The following CSMD1 variants were observed in gnomAD, a reference collection of about 807,000 sequenced individuals.
CSMD1 encodes CUB and Sushi multiple domains 1.
A neutral mutation model predicts 417.5 loss-of-function variants in CSMD1; 213 were observed. That is an observed-to-expected ratio of 0.51 (90% CI 0.46 to 0.57). CSMD1 has a LOEUF of 0.57. Ranked by LOEUF, CSMD1 falls within the 20% of genes least tolerant of loss-of-function variation. CSMD1 has a pLI of 0.00. For missense variants in CSMD1, 6,923 were observed against 4,529.7 expected (o/e 1.53, Z -15.17); for synonymous variants, 2,862 against 1,736.8 (o/e 1.65, Z -16.11).
At chr8:3,942,447 C>G (rs560034930) in intron 5 of CSMD1, among the ~76,000 whole-genome samples, 2 of 152,082 alleles carry the variant, frequency 1.3e-5, no homozygotes. Context: ...AACCACACCA[C>G]ACCTGGCCCA....
chr8:4,623,621 C>A (rs1252130613), intron 2 of CSMD1, among the ~76,000 whole-genome samples: 1 of 152,046 alleles, frequency 6.6e-6, no homozygotes, highest in Non-Finnish European at 1.5e-5. Context: ...TGTGGCATAG[C>A]TGTATATTGG....
chr8:4,786,930 G>C (rs1341091067), intron 1 of CSMD1, among the ~76,000 whole-genome samples: 1 of 152,118 alleles, frequency 6.6e-6, no homozygotes, highest in Non-Finnish European at 1.5e-5. Context: ...TCATTTAAAA[G>C]GCACTTTTTA....
At chr8:3,725,555 T>A (rs1802433115) in intron 6 of CSMD1, among the ~76,000 whole-genome samples, 1 of 152,080 alleles carries the variant, frequency 6.6e-6, no homozygotes, top group African/African-American at 2.4e-5. Flanking sequence ...ATGAGCTGCT[T>A]GTATTAAGTA....
At chr8:3,166,092 G>A (rs958453773) in intron 37 of CSMD1, among the ~76,000 whole-genome samples, 2 of 152,066 alleles carry the variant, frequency 1.3e-5, no homozygotes, top group South Asian at 4.2e-4. Context: ...GCAGGGTGGT[G>A]TTTGGTAATA....
At chr8:3,505,257 G>A (rs934834365) in intron 10 of CSMD1, among the ~76,000 whole-genome samples, 8 of 152,144 alleles carry the variant, frequency 5.3e-5, no homozygotes, top group African/African-American at 1.9e-4. Context: ...TGTTAGATGC[G>A]ATAAAATGCA....
intron 2 of CSMD1, among the ~76,000 whole-genome samples, chr8:4,431,095 T>C (rs933597180): frequency 5.3e-5 from 8 of 152,118 alleles, no homozygotes; most frequent in African/African-American, 1.7e-4. Flanking sequence ...TGTTAATATA[T>C]TTAATCTTAA....
intron 5 of CSMD1, among the ~76,000 whole-genome samples, chr8:3,962,482 T>C (rs924621595): frequency 6.6e-6 from 1 of 152,112 alleles, no homozygotes; most frequent in African/African-American, 2.4e-5. Context: ...TCACCCCCTG[T>C]TTATGACAGC....
chr8:4,821,693 C>T (rs957656704), intron 1 of CSMD1, among the ~76,000 whole-genome samples: 2 of 152,032 alleles, frequency 1.3e-5, no homozygotes, highest in African/African-American at 4.8e-5. Flanking sequence ...GAAGAAAGAG[C>T]CCTATTCATT....
At chr8:3,328,501 T>C (rs935511667) in intron 23 of CSMD1, among the ~76,000 whole-genome samples, 8 of 152,224 alleles carry the variant, frequency 5.3e-5, no homozygotes, top group African/African-American at 1.9e-4. Flanking sequence ...CTTCAAATAT[T>C]GTGTTCAGAC....
chr8:3,074,764 A>T (rs1813528946), intron 49 of CSMD1, among the ~76,000 whole-genome samples: 1 of 152,264 alleles, frequency 6.6e-6, no homozygotes, highest in Admixed American at 6.5e-5. Flanking sequence ...GCATTTTATT[A>T]TAATTTTTGG....
intron 3 of CSMD1, among the ~76,000 whole-genome samples, chr8:4,375,212 G>C (rs1050010938): frequency 6.6e-6 from 1 of 152,070 alleles, no homozygotes; most frequent in African/African-American, 2.4e-5. Context: ...TTGCCCACGG[G>C]GATAGATAGT....
chr8:4,268,477 C>T (rs532433908), intron 3 of CSMD1, among the ~76,000 whole-genome samples: 5 of 152,206 alleles, frequency 3.3e-5, no homozygotes, highest in East Asian at 1.9e-4. Flanking sequence ...TCGCTGCTTA[C>T]GTTTCTAAGT....
intron 1 of CSMD1, among the ~76,000 whole-genome samples, chr8:4,904,165 C>T (rs1805082680): frequency 6.6e-6 from 1 of 152,064 alleles, no homozygotes; most frequent in African/African-American, 2.4e-5. Flanking sequence ...GGTGTTCTAC[C>T]TTCTTCAAAT....
At chr8:3,264,501 C>G (rs184856882) in intron 26 of CSMD1, among the ~76,000 whole-genome samples, 31 of 152,240 alleles carry the variant, frequency 2.0e-4, no homozygotes, top group Admixed American at 1.8e-3. Flanking sequence ...AGGGAAAAAT[C>G]TAATTTGAGA....
intron 5 of CSMD1, among the ~76,000 whole-genome samples, chr8:3,834,271 G>A (rs1442975856): frequency 6.6e-6 from 1 of 151,878 alleles, no homozygotes; most frequent in Admixed American, 6.6e-5. Flanking sequence ...TCTGTATCTA[G>A]GGCTCTTCCA....
chr8:4,913,756 G>C (rs1318449808), intron 1 of CSMD1, among the ~76,000 whole-genome samples: 2 of 152,134 alleles, frequency 1.3e-5, no homozygotes, highest in Middle Eastern at 3.2e-3. Context: ...TTGTCCATGT[G>C]TTACCAGAAT....
intron 1 of CSMD1, among the ~76,000 whole-genome samples, chr8:4,874,721 C>G (rs1802942366): frequency 6.6e-6 from 1 of 151,554 alleles, no homozygotes; most frequent in Non-Finnish European, 1.5e-5. Context: ...TGAATTATAT[C>G]TGAATTCTTA....
chr8:3,605,781 T>C (rs931304558), intron 8 of CSMD1, among the ~76,000 whole-genome samples: 52 of 152,338 alleles, frequency 3.4e-4, no homozygotes, highest in African/African-American at 1.3e-3. Context: ...AAGTCATAAA[T>C]AGCACTCTTT....
chr8:3,166,577 G>A (rs1291247682), intron 37 of CSMD1, among the ~76,000 whole-genome samples: 1 of 151,982 alleles, frequency 6.6e-6, no homozygotes, highest in African/African-American at 2.4e-5. Context: ...TAATCAACAA[G>A]TCTGCCTTTC....
Sources: gnomAD v4.1 joint callset for allele counts (sites outside exome capture counted in the v4.1 genomes callset) on GRCh38, gnomAD v4.1.1 for gene constraint, MANE v1.5 for transcripts, NCBI Gene and HGNC (gene_info 2026-07-23, HGNC 2026-07-21) for gene names.